Variants in NR2F6 observed in about 807,000 individuals in gnomAD.
The protein encoded by NR2F6 is nuclear receptor subfamily 2 group F member 6, also known as ERBA-related gene-2.
NR2F6 carries 16 observed loss-of-function variants against 26.5 expected under a neutral mutation model. That is an observed-to-expected ratio of 0.60 (90% CI 0.41 to 0.92). The LOEUF (loss-of-function observed/expected upper bound fraction) is 0.92, where lower values mean the gene tolerates loss of function less well. Ranked by LOEUF, NR2F6 falls within the 40% of genes least tolerant of loss-of-function variation. NR2F6 has a pLI of 0.00. For synonymous variants in NR2F6, 325 were observed against 305.0 expected, an observed-to-expected ratio of 1.07 and a Z score of -0.68; for missense variants, 536 against 631.7, an observed-to-expected ratio of 0.85 and a Z score of 1.62.
chr19:17,234,899 A>G (rs1282319086), intron 3 of NR2F6, among the ~76,000 whole-genome samples: 1 of 152,202 alleles, frequency 6.6e-6, no homozygotes, highest in Non-Finnish European at 1.5e-5. Context: ...GTGGAAAAAA[A>G]AAATTTGGCT....
At position 17,236,025 on chromosome 19, in the gene NR2F6, G is replaced by A. The variant is rs1329593941; in HGVS notation, c.414C>T (p.Ala138=). 8 of 1,327,824 alleles carry A rather than the reference G, an allele frequency of 6.0e-6. No individual in the cohort carries two copies. Among genetic ancestry groups the A allele is most frequent in the Middle Eastern group, 2.8e-4 (1 of 3,512 alleles). 82.3% of individuals were successfully genotyped at this position (1,327,824 alleles called of 1,614,324 possible). ...RGRIPHSLPG[A]VAASSGSPPG... ...GGGGGCTGCCCGAGGAGGCGGCCAC[G>A]GCACCAGGCAGCGAGTGCGGGATGC... is the stretch of plus-strand genomic sequence containing the variant. The change falls in exon 3 of 4, where the codon GCC becomes GCT. Residue 138 remains alanine (A), a synonymous_variant. Transcript: ENST00000291442.
Position 17,235,380 on chromosome 19 carries a change from G to T in NR2F6, c.940+119C>A. On this transcript the variant is annotated intron_variant, in intron 3 of 3. Coordinates refer to ENST00000291442, the MANE Select transcript of NR2F6 (RefSeq NM_005234.4). This position sits in a 1 kb window ranked among gnomAD's most constrained non-coding sequence, Gnocchi z 5.0. ...AGCGTTCACTCACGGCGCGTGCAGG[G>T]CCCCAGGCCTAGGGAGCGAGCGGGG... 1.4e-6 allele frequency: 2 copies of T among 1,478,954 alleles called. No individual in the cohort carries two copies. The highest frequency in any genetic ancestry group is 1.3e-5 in the South Asian group (1 of 75,204). The allele number at this position is 1,478,954 out of a possible 1,614,324, so 91.6% of individuals were successfully genotyped here.
At chr19:17,236,674 G>T (rs547614521) in intron 2 of NR2F6, among the ~76,000 whole-genome samples, 3 of 152,306 alleles carry the variant, frequency 2.0e-5, no homozygotes, top group Admixed American at 2.0e-4. Context: ...TATGGAACAG[G>T]GATCATTTCT....
At chr19:17,232,719 G>C in intron 3 of NR2F6, 93 bp from the exon 4 acceptor site, 5 of 1,418,402 alleles carry the variant, frequency 3.5e-6, no homozygotes, top group Non-Finnish European at 3.7e-6. Context: ...GCCACTGTGG[G>C]TAAGAACAGG....
Position 17,245,222 on chromosome 19 carries a change from GC to G in NR2F6, c.-3del. 3 of 1,304,004 alleles carry G rather than the reference GC, an allele frequency of 2.3e-6. No homozygotes were observed. The highest frequency in any genetic ancestry group is 3.9e-5 in the Admixed American group (1 of 25,770). 80.8% of individuals were successfully genotyped at this position (1,304,004 alleles called of 1,614,324 possible). On this transcript the variant is annotated 5_prime_UTR_variant, in exon 1 of 4. Coordinates refer to ENST00000291442, the MANE Select transcript of NR2F6 (RefSeq NM_005234.4). The surrounding 1 kb of genome is among the most constrained non-coding windows in gnomAD (Gnocchi z 5.0). ...CCAGCCGCCGGTCACCATGGCCATA[GC>G]CCCAGGGCAGCGGGGCCGGGGCGCC...
At chr19:17,238,993 G>C (rs1403150166) in intron 2 of NR2F6, among the ~76,000 whole-genome samples, 3 of 152,116 alleles carry the variant, frequency 2.0e-5, no homozygotes, top group Non-Finnish European at 4.4e-5. Context: ...CTGGGGTCAG[G>C]AGTTGGAGAC....
At position 17,242,783 on chromosome 19, in the gene NR2F6, C is replaced by A. The variant is rs866807913; in HGVS notation, c.279-2018G>T. On this transcript the variant is annotated intron_variant, in intron 1 of 3. Transcript: ENST00000291442. ...CCCTGACCTCAGGGGAGGCCCTGAA[C>A]CTTCAGTCTCAACTTCCCCAGCTGT... Among the ~76,000 whole-genome samples the A allele has an allele frequency of 1.3e-4, 20 of 152,316 alleles. No homozygotes were observed. The South Asian group carries it at 2.5e-3, about 19-fold the overall frequency.
At chr19:17,240,820 A>G in intron 1 of NR2F6, 55 bp from the exon 2 acceptor site, 1 of 1,569,966 alleles carries the variant, frequency 6.4e-7, no homozygotes, top group Non-Finnish European at 8.7e-7. Context: ...TCCTCCCCGA[A>G]CCAGCCTATG....
chr19:17,244,034 A>C (rs1011951328), intron 1 of NR2F6, among the ~76,000 whole-genome samples: 1 of 152,058 alleles, frequency 6.6e-6, no homozygotes, highest in African/African-American at 2.4e-5. Context: ...CGGTGAGAAA[A>C]GAACTCCCGG....
intron 1 of NR2F6, 124 bp downstream of exon 1, chr19:17,244,819 T>A: frequency 1.7e-6 from 2 of 1,152,714 alleles, no homozygotes; most frequent in Non-Finnish European, 2.4e-6. Flanking sequence ...TGTGCCCCTA[T>A]CTCAGAGGGG....
In NR2F6 at chr19:17,232,359, C is replaced by T. The variant is rs770595526; in HGVS notation, c.1208G>A (p.Gly403Asp). Residue 403 changes from glycine (G) to aspartate (D), a missense_variant, in exon 4 of 4, where the codon GGC (glycine) becomes GAC (aspartate). Gly to Asp is a moderately conservative substitution (Grantham distance 94). Transcript: ENST00000291442. ...GSTFNWPYGS[G>D]Q ...CACGTGGCCCCGTCATGGTCACTGG[C>T]CCGAGCCGTAGGGCCAGTTGAAGGT... 12 of 1,613,710 alleles carry T rather than the reference C, an allele frequency of 7.4e-6. No individual in the cohort carries two copies. The highest frequency in any genetic ancestry group is 3.3e-5 in the Admixed American group (2 of 60,004).
Position 17,245,191 on chromosome 19 carries a change from G to A in NR2F6, c.30C>T (p.Gly10=), listed in dbSNP as rs1322965908. 1.5e-6 allele frequency: 2 copies of A among 1,378,010 alleles called. No individual in the cohort carries two copies. The highest frequency in any genetic ancestry group is 1.9e-6 in the Non-Finnish European group (2 of 1,063,674). The allele number at this position is 1,378,010 out of a possible 1,614,324, so 85.4% of individuals were successfully genotyped here. ...CCACGCCGTTCGTGTCGCCGCCGGG[G>A]CCGCCCCAGCCGCCGGTCACCATGG... The part of the protein sequence containing the change: MAMVTGGWG[G]PGGDTNGVDK... The change falls in exon 1 of 4, where the codon GGC becomes GGT. Residue 10 remains glycine (G), a synonymous_variant. Coordinates refer to ENST00000291442, the MANE Select transcript of NR2F6 (RefSeq NM_005234.4). This position sits in a 1 kb window ranked among gnomAD's most constrained non-coding sequence, Gnocchi z 5.0.
intron 2 of NR2F6, 45 bp from the exon 3 acceptor site, chr19:17,236,110 G>A (rs1463608877): frequency 3.5e-6 from 1 of 287,522 alleles, no homozygotes; most frequent in Non-Finnish European, 5.1e-6. Flanking sequence ...GGGAGGGGAG[G>A]CGGGGGGGGG....
At position 17,232,062 on chromosome 19, in the gene NR2F6, C is replaced by G. The variant is rs2073410281; in HGVS notation, c.*290G>C. The G allele has an allele frequency of 2.4e-6, 1 of 413,426 alleles. No homozygotes were observed. The highest frequency in any genetic ancestry group is 4.3e-6 in the Non-Finnish European group (1 of 231,150). The allele number at this position is 413,426 out of a possible 1,614,324, so 25.6% of individuals were successfully genotyped here. On this transcript the variant is annotated 3_prime_UTR_variant, in exon 4 of 4. Transcript: ENST00000291442. ...CAGGGAAGCCAACCCCACCATCCCA[C>G]AAGTTCATGCTAGGGGTGCTGAGGA... is the stretch of plus-strand genomic sequence containing the variant.
intron 2 of NR2F6, among the ~76,000 whole-genome samples, chr19:17,239,673 G>C (rs2073458785): frequency 6.6e-6 from 1 of 151,020 alleles, no homozygotes; most frequent in South Asian, 2.1e-4. Context: ...AAAAAAATTA[G>C]CTGGGCGTGT....
chr19:17,242,832 C>G (rs1299220559), intron 1 of NR2F6, among the ~76,000 whole-genome samples: 1 of 152,226 alleles, frequency 6.6e-6, no homozygotes, highest in South Asian at 2.1e-4. Context: ...ATCCATCCCT[C>G]CAAGGAGGGA....
In NR2F6 at chr19:17,245,321, G is replaced by T; in HGVS notation, c.-101C>A. The T allele has an allele frequency of 9.7e-7, 1 of 1,030,822 alleles. No homozygotes were observed. The highest frequency in any genetic ancestry group is 4.8e-5 in the South Asian group (1 of 20,902). 63.9% of individuals were successfully genotyped at this position (1,030,822 alleles called of 1,614,324 possible). On this transcript the variant is annotated 5_prime_UTR_variant, in exon 1 of 4. Transcript: ENST00000291442. This position sits in a 1 kb window ranked among gnomAD's most constrained non-coding sequence, Gnocchi z 5.0. Reference sequence around the variant, plus strand: ...TACGCGGCGCGCATTCGGCCCCGGCGCGCGGGGGGCACGGGCTGCACCCCC... The same window carrying T: ...TACGCGGCGCGCATTCGGCCCCGGCTCGCGGGGGGCACGGGCTGCACCCCC...
At chr19:17,240,812 C>T (rs2073465406) in intron 1 of NR2F6, 47 bp from the exon 2 acceptor site, 2 of 1,585,020 alleles carry the variant, frequency 1.3e-6, no homozygotes, top group Non-Finnish European at 1.7e-6. Context: ...CCATATCCTC[C>T]TCCCCGAACC....
intron 2 of NR2F6, among the ~76,000 whole-genome samples, chr19:17,238,761 C>T (rs2145566437): frequency 6.6e-6 from 1 of 152,268 alleles, no homozygotes; most frequent in East Asian, 1.9e-4. Flanking sequence ...CCCACCAAGG[C>T]CTAGACCAAA....
Sources: gnomAD v4.1 joint callset for allele counts (sites outside exome capture counted in the v4.1 genomes callset) on GRCh38, gnomAD v4.1.1 for gene constraint, Gnocchi (gnomAD v3.1) non-coding constraint, MANE v1.5 for transcripts, NCBI Gene and HGNC (gene_info 2026-07-23, HGNC 2026-07-21) for gene names.